Variants in CES4A observed in about 807,000 individuals in gnomAD.
CES4A encodes carboxylesterase 6.
CES4A carries 48 observed loss-of-function variants against 65.4 expected under a neutral mutation model. The ratio of observed to expected loss-of-function variants is 0.73; its 90% CI spans 0.58 to 0.93. CES4A has a LOEUF of 0.93. Among genes scored for constraint, CES4A ranks in the 40% least tolerant of loss-of-function variants. CES4A has a pLI of 0.00. For missense variants in CES4A, 685 were observed against 728.5 expected (o/e 0.94, Z 0.69); for synonymous variants, 247 against 281.8 (o/e 0.88, Z 1.24).
At position 67,001,595 on chromosome 16, in the gene CES4A, T is replaced by TGCCAAGGG; in HGVS notation, c.690+135_690+142dup. ...CCTGCCACAGAAATGCTCTCGCCCC[T>TGCCAAGGG]GCCAAGGGTACAGCCCCTCATAGCC... On this transcript the variant is annotated intron_variant, in intron 5 of 13. Coordinates refer to ENST00000648724, the Ensembl canonical transcript of CES4A. The surrounding 1 kb of genome is among the most constrained non-coding windows in gnomAD (Gnocchi z 4.1). 9.2e-7 allele frequency: 1 copy of TGCCAAGGG among 1,081,552 alleles called. No individual in the cohort carries two copies. Among genetic ancestry groups the TGCCAAGGG allele is most frequent in the Non-Finnish European group, 1.3e-6 (1 of 770,468 alleles). 67.0% of individuals were successfully genotyped at this position (1,081,552 alleles called of 1,614,324 possible). A position where few individuals can be genotyped will look rare whatever the true frequency, so the allele number is the denominator to read the frequency against.
intron 2 of CES4A, chr16:66,996,325 G>C (rs1964851376): frequency 3.3e-6 from 1 of 306,044 alleles, no homozygotes; most frequent in African/African-American, 2.3e-5. Flanking sequence ...ATGAGCCACT[G>C]CGCCTAGACT....
chr16:66,993,439 T>G (rs575500334), intron 1 of CES4A, among the ~76,000 whole-genome samples: 10 of 152,084 alleles, frequency 6.6e-5, no homozygotes, highest in African/African-American at 2.4e-4. Flanking sequence ...GCCTCCCGGG[T>G]TCAAGCGATT....
At chr16:67,006,216 C>T in intron 11 of CES4A, 175 bp from the exon 12 acceptor site, 1 of 614,212 alleles carries the variant, frequency 1.6e-6, no homozygotes, top group South Asian at 2.1e-5. Flanking sequence ...GGTAGAGCAA[C>T]TTGCTTTAGG....
chr16:67,006,975 A>G (rs971700332), intron 13 of CES4A, 158 bp downstream of exon 13: 6 of 620,372 alleles, frequency 9.7e-6, no homozygotes, highest in Admixed American at 2.9e-5. Flanking sequence ...TCAGTCAGTC[A>G]CCGGATCCTA....
At position 67,004,891 on chromosome 16, in the gene CES4A, C is replaced by T; in HGVS notation, c.1161+18C>T. 1 of 1,528,234 alleles carries T rather than the reference C, an allele frequency of 6.5e-7. No homozygotes were observed. The highest frequency in any genetic ancestry group is 8.8e-7 in the Non-Finnish European group (1 of 1,139,798). 94.7% of individuals were successfully genotyped at this position (1,528,234 alleles called of 1,614,324 possible). A position where few individuals can be genotyped will look rare whatever the true frequency, so the allele number is the denominator to read the frequency against. ...CCCTGTTGGTGAGGGACCCAGCTGG[C>T]AGGGGTGCTCAGTTCGGACAGGGTT... On this transcript the variant is annotated intron_variant, in intron 10 of 13. Coordinates refer to ENST00000648724, the Ensembl canonical transcript of CES4A.
intron 11 of CES4A, chr16:67,006,175 A>G: frequency 3.6e-6 from 2 of 552,768 alleles, no homozygotes; most frequent in Non-Finnish European, 6.5e-6. Flanking sequence ...TCTCAGTCTG[A>G]AGATAAGGAA....
rs1297226001 is a variant in CES4A at position 67,001,086 on chromosome 16, G to C, written c.536+96G>C. 9.0e-7 allele frequency: 1 copy of C among 1,107,526 alleles called. No homozygotes were observed. Among genetic ancestry groups the C allele is most frequent in the South Asian group, 1.6e-5 (1 of 62,440 alleles). 68.6% of individuals were successfully genotyped at this position (1,107,526 alleles called of 1,614,324 possible). ...GCGGGGCCTGGGGCGGGGATGGGGG[G>C]GGTGGGGCCGCGAGGCGGGGGCGGG... is the stretch of plus-strand genomic sequence containing the variant. On this transcript the variant is annotated intron_variant, in intron 4 of 13. Transcript: ENST00000648724. This position sits in a 1 kb window ranked among gnomAD's most constrained non-coding sequence, Gnocchi z 4.1.
exon 11 of CES4A, chr16:67,005,282 C>G: frequency 6.2e-7 from 1 of 1,614,094 alleles, no homozygotes; most frequent in South Asian, 1.1e-5. Flanking sequence ...GGAGGAGTAC[C>G]TGGACAATGT....
At chr16:67,007,194 G>A (rs923493730) in intron 13 of CES4A, 4 of 201,704 alleles carry the variant, frequency 2.0e-5, no homozygotes, top group South Asian at 2.4e-4. Flanking sequence ...GAGCTGTACT[G>A]GGGGAGCACA....
Position 67,006,268 on chromosome 16 carries a change from C to A in CES4A, c.1316-123C>A. On this transcript the variant is annotated intron_variant, in intron 11 of 13. Transcript: ENST00000648724. ...TAGTGCAGACAGGATTCAAGTCTGC[C>A]CCCTTGATTCTGAAGCCAAAGCTCT... 3 of 1,017,000 alleles carry A rather than the reference C, an allele frequency of 2.9e-6. No homozygotes were observed. The South Asian group carries it at 4.8e-5, about 16-fold the overall frequency. 63.0% of individuals were successfully genotyped at this position (1,017,000 alleles called of 1,614,324 possible). A position where few individuals can be genotyped will look rare whatever the true frequency, so the allele number is the denominator to read the frequency against.
intron 1 of CES4A, among the ~76,000 whole-genome samples, chr16:66,992,108 G>C (rs1236386843): frequency 6.6e-6 from 1 of 152,206 alleles, no homozygotes; most frequent in Non-Finnish European, 1.5e-5. Context: ...TTAGACCTTG[G>C]CCTCCTGGCT....
At chr16:66,998,683 A>G (rs572941902) in intron 2 of CES4A, among the ~76,000 whole-genome samples, 1 of 152,280 alleles carries the variant, frequency 6.6e-6, no homozygotes, top group African/African-American at 2.4e-5. Flanking sequence ...CCTGACCAAC[A>G]TGGCGAAACC....
At chr16:66,999,675 G>A (rs535580841) in intron 2 of CES4A, among the ~76,000 whole-genome samples, 2 of 152,324 alleles carry the variant, frequency 1.3e-5, no homozygotes, top group African/African-American at 4.8e-5. Context: ...GATGGCGCGT[G>A]CCTGTAGTCC....
At position 67,006,800 on chromosome 16, in the gene CES4A, CA is replaced by C. The variant is rs1965796678; in HGVS notation, c.1502del (p.Asn501ThrfsTer36). On this transcript the variant is annotated frameshift_variant, in exon 13 of 14. Coordinates refer to ENST00000648724, the Ensembl canonical transcript of CES4A. LOFTEE classifies it low-confidence loss of function (END_TRUNC). ...GCCTCCAGATGATGAAATACTGGGCCAACTTTGCCCGCACAGGGTGAGTCTG... is the reference window on the plus strand; with the variant it reads ...GCCTCCAGATGATGAAATACTGGGCCACTTTGCCCGCACAGGGTGAGTCTG... 6.2e-7 allele frequency: 1 copy of C among 1,613,958 alleles called. No individual in the cohort carries two copies. The highest frequency in any genetic ancestry group is 1.3e-5 in the African/African-American group (1 of 74,890).
exon 10 of CES4A, chr16:67,004,867 C>G (rs1965631407): frequency 6.5e-7 from 1 of 1,535,908 alleles, no homozygotes; most frequent in South Asian, 1.2e-5. Flanking sequence ...GTACCCGCAC[C>G]CTGTTGGTGA....
intron 11 of CES4A, chr16:67,006,044 G>C (rs1015243719): frequency 1.6e-5 from 4 of 246,536 alleles, no homozygotes; most frequent in South Asian, 1.1e-4. Context: ...AAAGGGGGGG[G>C]GGCTGGAAAA....
chr16:66,989,118 C>T (rs1964173669), intron 1 of CES4A, among the ~76,000 whole-genome samples: 1 of 151,994 alleles, frequency 6.6e-6, no homozygotes, highest in Non-Finnish European at 1.5e-5. Context: ...CACCTTTTTC[C>T]TTCCTTCCAT....
At chr16:66,997,977 ACACAC>A (rs1964990790) in intron 2 of CES4A, among the ~76,000 whole-genome samples, 1 of 151,160 alleles carries the variant, frequency 6.6e-6, no homozygotes, top group Non-Finnish European at 1.5e-5. Flanking sequence ...ACACACACAC[ACACAC>A]ACACACACAC....
chr16:66,988,830 G>A (rs1419758713), exon 1 of CES4A: 1 of 1,564,414 alleles, frequency 6.4e-7, no homozygotes, highest in South Asian at 1.2e-5. Context: ...GACGGCCTTG[G>A]GTAAGACCCC....
Sources: gnomAD v4.1 joint callset for allele counts (sites outside exome capture counted in the v4.1 genomes callset) on GRCh38, gnomAD v4.1.1 for gene constraint, Gnocchi (gnomAD v3.1) non-coding constraint, MANE v1.5 for transcripts, NCBI Gene and HGNC (gene_info 2026-07-23, HGNC 2026-07-21) for gene names.